AGBL1: variants seen among roughly 807,000 people sequenced by gnomAD.
AGBL1 encodes the protein cytosolic carboxypeptidase 4.
AGBL1 carries 130 observed loss-of-function variants against 118.9 expected under a neutral mutation model. That is an observed-to-expected ratio of 1.09 (90% CI 0.95 to 1.26). The LOEUF is 1.26. Among genes scored for constraint, AGBL1 ranks in the 50% most tolerant of loss-of-function variants. AGBL1 has a pLI of 0.00. For missense variants in AGBL1, 1,584 were observed against 1,298.1 expected, an observed-to-expected ratio of 1.22 and a Z score of -3.38; for synonymous variants, 555 against 478.9, an observed-to-expected ratio of 1.16 and a Z score of -2.08.
intron 24 of AGBL1, among the ~76,000 whole-genome samples, chr15:87,002,778 T>TTGTC (rs1350699054): frequency 2.6e-5 from 4 of 152,180 alleles, no homozygotes; most frequent in Non-Finnish European, 5.9e-5. Flanking sequence ...GGCTCTCTGT[T>TTGTC]TGTCTGTTAT....
chr15:86,585,954 C>A (rs1394800259), intron 21 of AGBL1, among the ~76,000 whole-genome samples: 1 of 152,208 alleles, frequency 6.6e-6, no homozygotes, highest in Admixed American at 6.5e-5. Context: ...CCTAGCCATG[C>A]TCCACATTCC....
At chr15:86,313,727 C>T (rs1356865528) in intron 17 of AGBL1, among the ~76,000 whole-genome samples, 1 of 152,176 alleles carries the variant, frequency 6.6e-6, no homozygotes, top group African/African-American at 2.4e-5. Context: ...AATTGTCCTG[C>T]TTTGTTCATA....
At chr15:86,742,344 T>C (rs1352245963) in intron 22 of AGBL1, among the ~76,000 whole-genome samples, 1 of 152,180 alleles carries the variant, frequency 6.6e-6, no homozygotes, top group African/African-American at 2.4e-5. Flanking sequence ...CCCTCTGCTT[T>C]TGTCGAGTCC....
chr15:86,807,713 A>C (rs1285147051), intron 22 of AGBL1, among the ~76,000 whole-genome samples: 1 of 152,074 alleles, frequency 6.6e-6, no homozygotes, highest in African/African-American at 2.4e-5. Flanking sequence ...GAGTTTTTGT[A>C]CTTGGAAGTG....
At chr15:86,826,604 A>C (rs2079015147) in intron 22 of AGBL1, among the ~76,000 whole-genome samples, 1 of 152,124 alleles carries the variant, frequency 6.6e-6, no homozygotes, top group South Asian at 2.1e-4. Flanking sequence ...AGTAGACCCT[A>C]AAATTTCAGG....
At chr15:87,011,332 A>T (rs1350575247) in intron 24 of AGBL1, among the ~76,000 whole-genome samples, 1 of 152,218 alleles carries the variant, frequency 6.6e-6, no homozygotes, top group Non-Finnish European at 1.5e-5. Flanking sequence ...AATAGAAAAG[A>T]AACCTTCACT....
intron 1 of AGBL1, among the ~76,000 whole-genome samples, chr15:86,118,014 G>T (rs527862977): frequency 1.2e-4 from 19 of 152,316 alleles, no homozygotes; most frequent in South Asian, 1.0e-3. Flanking sequence ...GCTTATTCCA[G>T]TGTTTGTGCT....
At chr15:86,657,470 A>C (rs1198967499) in intron 21 of AGBL1, among the ~76,000 whole-genome samples, 1 of 152,176 alleles carries the variant, frequency 6.6e-6, no homozygotes, top group African/African-American at 2.4e-5. Context: ...TAGATGCAGA[A>C]AATACTCTGT....
chr15:86,437,988 C>A (rs1416953404), intron 18 of AGBL1, among the ~76,000 whole-genome samples: 1 of 152,146 alleles, frequency 6.6e-6, no homozygotes, highest in African/African-American at 2.4e-5. Flanking sequence ...TTACTGCAAC[C>A]TTTGCCTCCC....
intron 21 of AGBL1, among the ~76,000 whole-genome samples, chr15:86,609,551 T>C (rs764240681): frequency 5.3e-5 from 8 of 152,174 alleles, no homozygotes; most frequent in Non-Finnish European, 1.0e-4. Context: ...TTGGGTTTAA[T>C]ACCGTTTTAG....
chr15:86,684,809 G>A (rs780765089), intron 22 of AGBL1, among the ~76,000 whole-genome samples: 1 of 152,098 alleles, frequency 6.6e-6, no homozygotes, highest in African/African-American at 2.4e-5. Flanking sequence ...ACTCTCAAAG[G>A]TACAGCTACT....
chr15:86,798,439 T>C (rs2141344178), intron 22 of AGBL1, among the ~76,000 whole-genome samples: 2 of 152,214 alleles, frequency 1.3e-5, no homozygotes, highest in African/African-American at 2.4e-5. Context: ...AATCTCTTTA[T>C]GTTAAGAGTA....
At chr15:86,359,930 A>G (rs968580025) in intron 17 of AGBL1, among the ~76,000 whole-genome samples, 1 of 151,956 alleles carries the variant, frequency 6.6e-6, no homozygotes, top group Non-Finnish European at 1.5e-5. Context: ...TTGGTACTAA[A>G]AGGTTTTTTG....
intron 21 of AGBL1, among the ~76,000 whole-genome samples, chr15:86,622,382 A>AT (rs200852070): frequency 0.022 from 3,272 of 151,674 alleles, 53 homozygotes; most frequent in Non-Finnish European, 0.033. Context: ...AGACAGGCCT[A>AT]TTTTTTTCAG....
intron 22 of AGBL1, among the ~76,000 whole-genome samples, chr15:86,878,349 C>G (rs1257669026): frequency 2.6e-5 from 4 of 152,176 alleles, no homozygotes; most frequent in African/African-American, 7.2e-5. Context: ...ATGGGCATGG[C>G]TGCATTCCAA....
chr15:86,330,268 A>G (rs2080249348), intron 17 of AGBL1, among the ~76,000 whole-genome samples: 1 of 152,208 alleles, frequency 6.6e-6, no homozygotes, highest in Non-Finnish European at 1.5e-5. Flanking sequence ...GCTGGCTGTA[A>G]CCCATAAGGT....
intron 23 of AGBL1, among the ~76,000 whole-genome samples, chr15:86,938,215 G>A (rs1005701810): frequency 6.6e-5 from 10 of 152,158 alleles, no homozygotes; most frequent in African/African-American, 1.9e-4. Flanking sequence ...TGGGTGTGAA[G>A]AGATGAGCTA....
At chr15:86,511,872 T>C (rs979943097) in intron 18 of AGBL1, among the ~76,000 whole-genome samples, 17 of 152,008 alleles carry the variant, frequency 1.1e-4, no homozygotes, top group Non-Finnish European at 4.4e-5. Context: ...AAATGAAATA[T>C]ATAATTATCC....
At chr15:86,219,446 G>T (rs2078243429) in intron 5 of AGBL1, among the ~76,000 whole-genome samples, 1 of 152,056 alleles carries the variant, frequency 6.6e-6, no homozygotes, top group South Asian at 2.1e-4. Flanking sequence ...CCATCAGTTA[G>T]ATCTTATACC....
Sources: allele counts gnomAD v4.1 joint callset (sites outside exome capture counted in the v4.1 genomes callset), GRCh38; gene constraint gnomAD v4.1.1; transcripts MANE v1.5; gene names NCBI Gene and HGNC (gene_info 2026-07-23, HGNC 2026-07-21).